The following GPALPP1 variants were observed in gnomAD, a reference collection of about 807,000 sequenced individuals.
The protein encoded by GPALPP1 is GPALPP motifs-containing protein 1.
A neutral mutation model predicts 38.9 loss-of-function variants in GPALPP1; 30 were observed. That is an observed-to-expected ratio of 0.77 (90% confidence interval 0.58 to 1.05). GPALPP1 has a LOEUF of 1.05. Ranked by LOEUF, GPALPP1 falls within the 50% of genes least tolerant of loss-of-function variation. The probability of loss-of-function intolerance (pLI) is 0.00; values close to 1 mark genes in which losing one functional copy is unlikely to be tolerated. For synonymous variants in GPALPP1, 120 were observed against 139.2 expected, an observed-to-expected ratio of 0.86 and a Z score of 0.97; for missense variants, 384 against 408.8, an observed-to-expected ratio of 0.94 and a Z score of 0.52.
chr13:45,001,112 A>G (rs1873644139), intron 1 of GPALPP1, among the ~76,000 whole-genome samples: 1 of 152,148 alleles, frequency 6.6e-6, no homozygotes, highest in Non-Finnish European at 1.5e-5. Context: ...GTGGGAGGTA[A>G]CTGAATCATG....
intron 6 of GPALPP1, among the ~76,000 whole-genome samples, chr13:45,018,970 CATATAAAT>C (rs374789682): frequency 0.036 from 2,586 of 71,790 alleles, 18 homozygotes; most frequent in South Asian, 0.065. Context: ...AATATATATA[CATATAAAT>C]ATATATACAT....
At chr13:45,022,791 G>C (rs768570214) in intron 7 of GPALPP1, among the ~76,000 whole-genome samples, 5 of 152,148 alleles carry the variant, frequency 3.3e-5, no homozygotes, top group East Asian at 1.9e-4. Flanking sequence ...CCAGCACTTT[G>C]GGGGAGACTG....
chr13:45,004,319 C>T lies in GPALPP1; in HGVS notation c.103C>T (p.Leu35=), dbSNP rs866821188. The T allele has an allele frequency of 6.2e-7, 1 of 1,612,390 alleles. No individual in the cohort carries two copies. Among genetic ancestry groups the T allele is most frequent in the South Asian group, 1.1e-5 (1 of 90,972 alleles). The change falls in exon 2 of 8, where the codon CTG becomes TTG. Residue 35 remains leucine, a synonymous_variant. Transcript: ENST00000379151. ...RDPSPVAGPA[L]PPNYKSSSSD... is the part of the protein sequence containing the mutation. ...GTGTTCTTTAGTTGCAGGACCAGCT[C>T]TGCCCCCTAATTATAAAAGCAGTAG...
chr13:45,001,266 A>G (rs1873655473), intron 1 of GPALPP1, among the ~76,000 whole-genome samples: 1 of 152,118 alleles, frequency 6.6e-6, no homozygotes, highest in Non-Finnish European at 1.5e-5. Context: ...CCCTTCCACC[A>G]TAATTGTACG....
At chr13:44,992,198 A>G (rs1872852580) in intron 1 of GPALPP1, among the ~76,000 whole-genome samples, 1 of 152,178 alleles carries the variant, frequency 6.6e-6, no homozygotes, top group Non-Finnish European at 1.5e-5. Flanking sequence ...GTTTGTAGCA[A>G]TATCTCATGG....
chr13:44,999,144 T>TG (rs1873491162), intron 1 of GPALPP1, among the ~76,000 whole-genome samples: 1 of 152,184 alleles, frequency 6.6e-6, no homozygotes, highest in Admixed American at 6.5e-5. Flanking sequence ...GAATTGGTTT[T>TG]GGGGGAGTAA....
chr13:45,015,513 AC>A lies in GPALPP1; in HGVS notation c.623del (p.Thr208IlefsTer77). The A allele has an allele frequency of 6.2e-7, 1 of 1,608,276 alleles. No individual in the cohort carries two copies. The highest frequency in any genetic ancestry group is 2.2e-5 in the East Asian group (1 of 44,522). Reference sequence around the variant, plus strand: ...GAAAGACTTTGGTCTTGGGCCAAGGACTTTTAAGAGAAGAGCTGATGACACA... The same window carrying A: ...GAAAGACTTTGGTCTTGGGCCAAGGATTTTAAGAGAAGAGCTGATGACACA... ...EMKDFGLGPR[T>X]FKRRADDTSG... On this transcript the variant is annotated frameshift_variant, in exon 6 of 8. Transcript: ENST00000379151. LOFTEE classifies it high-confidence loss of function.
At chr13:44,999,830 G>T (rs1013691313) in intron 1 of GPALPP1, among the ~76,000 whole-genome samples, 2 of 152,088 alleles carry the variant, frequency 1.3e-5, no homozygotes, top group African/African-American at 4.8e-5. Context: ...CGCCTGCCTT[G>T]TCCTCCCAAA....
chr13:45,015,767 G>A (rs9534021), intron 6 of GPALPP1, among the ~76,000 whole-genome samples, 171 bp downstream of exon 6: 10,597 of 152,188 alleles, frequency 0.07, 577 homozygotes, highest in East Asian at 0.2. Flanking sequence ...GACACCAATT[G>A]CTTGCTGTTT....
intron 6 of GPALPP1, among the ~76,000 whole-genome samples, chr13:45,016,891 C>T (rs1396417946): frequency 2.0e-5 from 3 of 152,206 alleles, no homozygotes; most frequent in African/African-American, 7.2e-5. Context: ...GCAATCCTCC[C>T]AAAGTGCTGG....
At chr13:45,006,178 A>T (rs533135957) in intron 2 of GPALPP1, 24 bp from the exon 3 acceptor site, 19 of 1,422,424 alleles carry the variant, frequency 1.3e-5, no homozygotes, top group Non-Finnish European at 1.8e-5. Context: ...ATATATGCAT[A>T]AAGTTATACT....
At chr13:45,006,548 T>C (rs956892076) in intron 3 of GPALPP1, among the ~76,000 whole-genome samples, 2 of 152,244 alleles carry the variant, frequency 1.3e-5, no homozygotes, top group African/African-American at 2.4e-5. Context: ...CAAAAGTGTT[T>C]TGTGGTAAAC....
At chr13:44,996,810 C>CTTTTTT (rs1566072232) in intron 1 of GPALPP1, among the ~76,000 whole-genome samples, 4 of 86,412 alleles carry the variant, frequency 4.6e-5, no homozygotes, top group African/African-American at 9.5e-5. Context: ...TTTTTTTTTT[C>CTTTTTT]CAGTTTTTAA....
chr13:45,027,845 G>A lies in GPALPP1; in HGVS notation c.865G>A (p.Ala289Thr), dbSNP rs1875944342. 2 of 1,605,954 alleles carry A rather than the reference G, an allele frequency of 1.2e-6. No individual in the cohort carries two copies. The highest frequency in any genetic ancestry group is 2.2e-5 in the South Asian group (2 of 90,908). ...IHHKKLKSKA[A>T]EDKNKPQERI... ...TCATAAAAAGTTAAAGAGTAAGGCT[G>A]CTGAAGACAAAAATAAGCCTCAAGA... Residue 289 changes from alanine to threonine, a missense_variant, in exon 8 of 8, where the codon GCT becomes ACT. By Grantham distance (58) the Ala-to-Thr change is moderately conservative. Coordinates refer to ENST00000379151, the MANE Select transcript of GPALPP1 (RefSeq NM_018559.5).
chr13:45,017,203 T>C (rs1874939384), intron 6 of GPALPP1, among the ~76,000 whole-genome samples: 1 of 152,194 alleles, frequency 6.6e-6, no homozygotes, highest in Admixed American at 6.5e-5. Context: ...GACTTTCCAT[T>C]TTAGTGGATA....
intron 1 of GPALPP1, chr13:45,002,223 G>T (rs2137964521): frequency 1.3e-5 from 2 of 152,450 alleles, no homozygotes; most frequent in Middle Eastern, 6.8e-3. Flanking sequence ...TTGAGTCCAG[G>T]AGTTCTGGGC....
downstream of GPALPP1, among the ~76,000 whole-genome samples, chr13:45,033,069 A>G (rs1203915380): frequency 6.6e-6 from 1 of 151,656 alleles, no homozygotes; most frequent in African/African-American, 2.4e-5. Flanking sequence ...TGAGATTTGC[A>G]TGGTACCAAG....
chr13:45,026,506 A>C (rs1010744729), intron 7 of GPALPP1, among the ~76,000 whole-genome samples: 8 of 152,120 alleles, frequency 5.3e-5, no homozygotes, highest in African/African-American at 1.7e-4. Flanking sequence ...GTGCCATTTT[A>C]CCTTCTAGAT....
At chr13:44,999,870 G>A (rs894027527) in intron 1 of GPALPP1, among the ~76,000 whole-genome samples, 5 of 152,086 alleles carry the variant, frequency 3.3e-5, no homozygotes, top group African/African-American at 9.7e-5. Context: ...GAGCCACTGC[G>A]CCTGGCCCCT....
Sources: allele counts gnomAD v4.1 joint callset (sites outside exome capture counted in the v4.1 genomes callset), GRCh38; gene constraint gnomAD v4.1.1; transcripts MANE v1.5; gene names NCBI Gene and HGNC (gene_info 2026-07-23, HGNC 2026-07-21).